Variants in GRIK2 observed in about 807,000 individuals in gnomAD.
GRIK2 encodes the protein glutamate receptor ionotropic, kainate 2.
In GRIK2, 32 loss-of-function variants were observed where a neutral mutation model predicts 100.3. The ratio of observed to expected loss-of-function variants is 0.32; its 90% confidence interval spans 0.24 to 0.43. The LOEUF is 0.43. Ranked by LOEUF, GRIK2 falls within the 20% of genes least tolerant of loss-of-function variation. The pLI is 1.00. For synonymous variants in GRIK2, 417 were observed against 389.4 expected (o/e 1.07, Z -0.83); for missense variants, 843 against 1,114.9 (o/e 0.76, Z 3.47).
chr6:101,694,903 T>C (rs1476101427), intron 7 of GRIK2, among the ~76,000 whole-genome samples: 1 of 151,338 alleles, frequency 6.6e-6, no homozygotes, highest in East Asian at 1.9e-4. Flanking sequence ...AAAAAATACC[T>C]TGGCCTCATC....
intron 10 of GRIK2, among the ~76,000 whole-genome samples, chr6:101,827,423 T>C (rs1782404226): frequency 6.6e-6 from 1 of 151,884 alleles, no homozygotes; most frequent in African/African-American, 2.4e-5. Flanking sequence ...TCTATAAGCC[T>C]GGCATACTAT....
At chr6:101,635,025 G>A (rs1376726126) in intron 4 of GRIK2, among the ~76,000 whole-genome samples, 1 of 151,998 alleles carries the variant, frequency 6.6e-6, no homozygotes, top group Admixed American at 6.6e-5. Context: ...ATATAAAAAT[G>A]TATATTCCTG....
intron 2 of GRIK2, among the ~76,000 whole-genome samples, chr6:101,425,436 A>G (rs1298270506): frequency 6.6e-6 from 1 of 152,164 alleles, no homozygotes; most frequent in Non-Finnish European, 1.5e-5. Flanking sequence ...TATTGCATAA[A>G]ACATGGAAAA....
At chr6:101,681,404 ATTTTT>A (rs149557882) in intron 5 of GRIK2, among the ~76,000 whole-genome samples, 18 of 111,924 alleles carry the variant, frequency 1.6e-4, no homozygotes, top group Middle Eastern at 5.0e-3. Context: ...TTTCTTTTCT[ATTTTT>A]TTTTTTTTTT....
chr6:102,008,066 A>G (rs1489194840), intron 14 of GRIK2, among the ~76,000 whole-genome samples: 1 of 152,068 alleles, frequency 6.6e-6, no homozygotes, highest in Non-Finnish European at 1.5e-5. Flanking sequence ...CAACAACAAA[A>G]TTTTAAAGTA....
At chr6:101,822,910 G>A in intron 10 of GRIK2, among the ~76,000 whole-genome samples, 1 of 151,878 alleles carries the variant, frequency 6.6e-6, no homozygotes, top group East Asian at 1.9e-4. Context: ...ATATAGAAAA[G>A]GCTAACACTT....
At chr6:101,933,578 C>A (rs1315249817) in intron 14 of GRIK2, among the ~76,000 whole-genome samples, 1 of 151,864 alleles carries the variant, frequency 6.6e-6, no homozygotes, top group African/African-American at 2.4e-5. Flanking sequence ...CCCAGCCTCC[C>A]CAAATGATGA....
chr6:101,504,455 A>G (rs1364846697), intron 2 of GRIK2, among the ~76,000 whole-genome samples: 1 of 151,960 alleles, frequency 6.6e-6, no homozygotes, highest in Non-Finnish European at 1.5e-5. Context: ...TTCAGATTGT[A>G]TTTTTTAATC....
intron 7 of GRIK2, among the ~76,000 whole-genome samples, chr6:101,733,773 C>T (rs1337005002): frequency 8.2e-6 from 1 of 122,460 alleles, no homozygotes; most frequent in Non-Finnish European, 1.6e-5. Context: ...AAATTAGCTG[C>T]TTCTTCAATA....
intron 2 of GRIK2, among the ~76,000 whole-genome samples, chr6:101,443,307 A>G (rs1356357098): frequency 6.6e-6 from 1 of 152,146 alleles, no homozygotes; most frequent in Non-Finnish European, 1.5e-5. Flanking sequence ...AAAGGGCAAA[A>G]TGTCTCTAAA....
At chr6:101,462,254 T>C (rs988663347) in intron 2 of GRIK2, among the ~76,000 whole-genome samples, 1 of 152,208 alleles carries the variant, frequency 6.6e-6, no homozygotes, top group South Asian at 2.1e-4. Context: ...TTTTCTGATA[T>C]AGCAATGTGC....
chr6:101,961,113 G>C (rs1432748514), intron 14 of GRIK2, among the ~76,000 whole-genome samples: 1 of 152,110 alleles, frequency 6.6e-6, no homozygotes, highest in Admixed American at 6.5e-5. Context: ...CAGGAAAGTG[G>C]TCAACCTCCA....
intron 2 of GRIK2, among the ~76,000 whole-genome samples, chr6:101,413,262 C>T (rs1432184669): frequency 2.6e-5 from 4 of 152,020 alleles, no homozygotes; most frequent in African/African-American, 7.2e-5. Flanking sequence ...CCCTCCCTCC[C>T]TTCCTCTCTT....
intron 14 of GRIK2, among the ~76,000 whole-genome samples, chr6:102,012,549 A>G (rs1795606556): frequency 6.6e-6 from 1 of 152,176 alleles, no homozygotes; most frequent in African/African-American, 2.4e-5. Context: ...CTTTTTCTCA[A>G]ATAGACCTTG....
At chr6:101,471,364 T>C (rs1405309779) in intron 2 of GRIK2, among the ~76,000 whole-genome samples, 1 of 152,088 alleles carries the variant, frequency 6.6e-6, no homozygotes, top group Non-Finnish European at 1.5e-5. Context: ...GTTCGTCACG[T>C]GCCACCTAAT....
chr6:101,775,653 G>A lies in GRIK2; in HGVS notation c.952-23995G>A, dbSNP rs191811149. Among the ~76,000 whole-genome samples the A allele has an allele frequency of 1.2e-3, 183 of 151,262 alleles. 1 individual carries two copies. The highest frequency in any genetic ancestry group is 3.1e-3 in the African/African-American group (129 of 41,282). On this transcript the variant is annotated intron_variant, in intron 7 of 16. Coordinates refer to ENST00000369134, the MANE Select transcript of GRIK2 (RefSeq NM_021956.5). ...AGGCTGTACTCACATTCCCCGCCCC[G>A]GTCTGAGCTGCTGACAGATTTGGCT...
Position 102,068,890 on chromosome 6 carries a change from C to A in GRIK2, c.*379C>A. The A allele has an allele frequency of 5.8e-6, 1 of 171,348 alleles. No individual in the cohort carries two copies. The highest frequency in any genetic ancestry group is 1.3e-5 in the Non-Finnish European group (1 of 79,516). The allele number at this position is 171,348 out of a possible 1,614,324, so 10.6% of individuals were successfully genotyped here. Reference sequence around the variant, plus strand: ...AACAGGGCAACCAATAAAAGTGTCACTAAGAATATAAATATTTGGAATCAG... The same window carrying A: ...AACAGGGCAACCAATAAAAGTGTCAATAAGAATATAAATATTTGGAATCAG... On this transcript the variant is annotated 3_prime_UTR_variant, in exon 17 of 17. Transcript: ENST00000369134.
chr6:101,433,377 G>A (rs762917572), intron 2 of GRIK2, among the ~76,000 whole-genome samples: 12 of 150,536 alleles, frequency 8.0e-5, no homozygotes, highest in Non-Finnish European at 1.6e-4. Flanking sequence ...CCTGCGTGAC[G>A]TGCAGCAAAT....
At position 101,559,082 on chromosome 6, in the gene GRIK2, A is replaced by T. The variant is rs562797487; in HGVS notation, c.116-62867A>T. 1.8e-4 allele frequency among the ~76,000 whole-genome samples: 28 copies of T among 152,060 alleles called. 1 individual carries two copies. The highest frequency in any genetic ancestry group is 3.7e-4 in the Non-Finnish European group (25 of 67,990). ...ATCCAGTCAGTCATTCTCTTAAAAT[A>T]CTTGCTGTGTCTTCTGATCCCTATT... On this transcript the variant is annotated intron_variant, in intron 2 of 16. Transcript: ENST00000369134.
Sources: allele counts gnomAD v4.1 joint callset (sites outside exome capture counted in the v4.1 genomes callset), GRCh38; gene constraint gnomAD v4.1.1; transcripts MANE v1.5; gene names NCBI Gene and HGNC (gene_info 2026-07-23, HGNC 2026-07-21).